The following ELFN2 variants were observed in gnomAD, a reference collection of about 807,000 sequenced individuals.
ELFN2 encodes the protein protein phosphatase 1 regulatory subunit 29.
A neutral mutation model predicts 45.5 loss-of-function variants in ELFN2; 17 were observed. That is an observed-to-expected ratio of 0.37 (90% CI 0.26 to 0.56). The LOEUF is 0.56. ELFN2 is among the 20% of genes least tolerant of loss of function. The pLI is 0.77. For missense variants in ELFN2, 922 were observed against 1,183.2 expected (o/e 0.78, Z 3.24); for synonymous variants, 550 against 551.5 (o/e 1.00, Z 0.04).
downstream of ELFN2, among the ~76,000 whole-genome samples, chr22:37,366,026 T>C (rs1011933347): frequency 2.0e-5 from 3 of 152,228 alleles, no homozygotes; most frequent in Admixed American, 2.0e-4. Flanking sequence ...GGCTCACATG[T>C]TAAGATGCAA....
Position 37,373,796 on chromosome 22 carries a change from G to T in ELFN2, c.1739C>A (p.Ser580Tyr). 6.2e-7 allele frequency: 1 copy of T among 1,611,200 alleles called. No individual in the cohort carries two copies. The highest frequency in any genetic ancestry group is 8.5e-7 in the Non-Finnish European group (1 of 1,179,240). The stretch of plus-strand genomic sequence containing the variant: ...GGAGGCGGCAGCAGCTGCAGGGAGG[G>T]ACTGGCACTCGAAGGCCAGCTCGGG... Reference protein sequence around the residue: ...GDPELAFECQSLPAAAAASSA... With the variant: ...GDPELAFECQYLPAAAAASSA... Residue 580 changes from serine to tyrosine, a missense_variant, in exon 3 of 3, where the codon TCC becomes TAC. Ser to Tyr is a moderately radical substitution (Grantham distance 144, BLOSUM62 -2). This residue lies in a region of ELFN2 where 564 missense variants were observed against 642.8 expected (regional missense o/e 0.88). Transcript: ENST00000402918.
chr22:37,399,825 C>T (rs1264310107), intron 2 of ELFN2, among the ~76,000 whole-genome samples: 2 of 152,220 alleles, frequency 1.3e-5, no homozygotes, highest in African/African-American at 4.8e-5. Flanking sequence ...CACTCACTTG[C>T]TCCAGCCACC....
downstream of ELFN2, among the ~76,000 whole-genome samples, chr22:37,366,080 C>T (rs1028805080): frequency 3.3e-5 from 5 of 152,140 alleles, no homozygotes; most frequent in Non-Finnish European, 5.9e-5. Flanking sequence ...GCTCGGTTTT[C>T]AAATAATTGA....
intron 1 of ELFN2, among the ~76,000 whole-genome samples, chr22:37,420,929 C>CG (rs1165085132): frequency 6.6e-6 from 1 of 152,110 alleles, no homozygotes; most frequent in Non-Finnish European, 1.5e-5. Flanking sequence ...TCAGAGACCC[C>CG]GGGGAACATG....
At chr22:37,416,677 G>A (rs1932762731) in intron 2 of ELFN2, among the ~76,000 whole-genome samples, 1 of 151,966 alleles carries the variant, frequency 6.6e-6, no homozygotes, top group African/African-American at 2.4e-5. Context: ...CAGGATAAGT[G>A]CAGACCCGCC....
At chr22:37,403,597 CG>C (rs1569140795) in intron 2 of ELFN2, among the ~76,000 whole-genome samples, 1 of 152,038 alleles carries the variant, frequency 6.6e-6, no homozygotes, top group African/African-American at 2.4e-5. Context: ...GCTGCGGCCT[CG>C]GGGTCTAGCG....
chr22:37,341,990 C>A (rs1220764683), intron 2 of ELFN2, among the ~76,000 whole-genome samples: 1 of 151,678 alleles, frequency 6.6e-6, no homozygotes, highest in Non-Finnish European at 1.5e-5. Flanking sequence ...CTTGCACTGC[C>A]CTGTAGGAGC....
intron 2 of ELFN2, among the ~76,000 whole-genome samples, chr22:37,410,712 T>C (rs967628351): frequency 1.3e-5 from 2 of 152,100 alleles, no homozygotes; most frequent in Admixed American, 6.5e-5. Flanking sequence ...ACAGCCCTGA[T>C]CCCATTCTAC....
At chr22:37,380,548 G>A (rs574576913) in intron 2 of ELFN2, among the ~76,000 whole-genome samples, 45 of 152,322 alleles carry the variant, frequency 3.0e-4, no homozygotes, top group Non-Finnish European at 5.4e-4. Context: ...TGGCCTCCCA[G>A]GAGCAGGGAC....
chr22:37,391,842 A>T lies in ELFN2; in HGVS notation c.-462-15846T>A, dbSNP rs184997192. ...AATATTGGAAAGGGCCTTCCCAGGC[A>T]GTGCGTGGGTCCCACATCCTCTGAG... On this transcript the variant is annotated intron_variant, in intron 2 of 2. Transcript: ENST00000402918. Among the ~76,000 whole-genome samples the T allele has an allele frequency of 1.6e-4, 25 of 152,298 alleles. 1 individual carries two copies. The East Asian group carries it at 4.3e-3, about 26-fold the overall frequency.
In ELFN2 at chr22:37,427,372, TGA is replaced by T. The variant is rs1932861654; in HGVS notation, c.-690_-689del. 1 of 152,620 alleles carries T rather than the reference TGA, an allele frequency of 6.6e-6. No individual in the cohort carries two copies. Among genetic ancestry groups the T allele is most frequent in the Non-Finnish European group, 1.5e-5 (1 of 68,824 alleles). The allele number at this position is 152,620 out of a possible 1,614,324, so 9.5% of individuals were successfully genotyped here. On this transcript the variant is annotated 5_prime_UTR_variant, in exon 1 of 3. Coordinates refer to ENST00000402918, the MANE Select transcript of ELFN2 (RefSeq NM_052906.5). ...GCCGCGGGGCCTGCGCGTGTGAGTG[TGA>T]GTGTGAATGTGAGTGTGAGCGCGGG...
At chr22:37,403,636 A>G (rs1014879450) in intron 2 of ELFN2, among the ~76,000 whole-genome samples, 3 of 152,142 alleles carry the variant, frequency 2.0e-5, no homozygotes, top group Admixed American at 6.5e-5. Context: ...CCAAATTCAC[A>G]TAGCAGGCCC....
chr22:37,402,484 C>T (rs904030265), intron 2 of ELFN2, among the ~76,000 whole-genome samples: 2 of 152,194 alleles, frequency 1.3e-5, no homozygotes, highest in African/African-American at 4.8e-5. Context: ...CTAGTTCTTG[C>T]CTCTCAAAAG....
chr22:37,411,729 C>T (rs529209839), intron 2 of ELFN2, among the ~76,000 whole-genome samples: 1 of 152,188 alleles, frequency 6.6e-6, no homozygotes, highest in Non-Finnish European at 1.5e-5. Context: ...TAGCTTCTCA[C>T]GCAGCCCCTG....
intron 2 of ELFN2, among the ~76,000 whole-genome samples, chr22:37,406,437 C>T (rs1013099486): frequency 6.6e-6 from 1 of 152,354 alleles, no homozygotes; most frequent in East Asian, 1.9e-4. Context: ...GTGACCCTCC[C>T]TGGCGCTCCC....
intron 2 of ELFN2, among the ~76,000 whole-genome samples, chr22:37,390,368 G>A (rs1463836956): frequency 1.3e-5 from 2 of 152,224 alleles, no homozygotes; most frequent in Admixed American, 1.3e-4. Context: ...TGTACACACG[G>A]CCTCCCTGCC....
At position 37,401,837 on chromosome 22, in the gene ELFN2, G is replaced by A. The variant is rs73412267; in HGVS notation, c.-463+15932C>T. ...CTTCCCCAGCTCCACAACACCCTTCGTTTGTTTAATTTTGCTTCTCCTCTC... is the reference window on the plus strand; with the variant it reads ...CTTCCCCAGCTCCACAACACCCTTCATTTGTTTAATTTTGCTTCTCCTCTC... On this transcript the variant is annotated intron_variant, in intron 2 of 2. Transcript: ENST00000402918. Among the ~76,000 whole-genome samples the A allele has an allele frequency of 6.5e-3, 989 of 152,284 alleles. 9 individuals are homozygous for A. The highest frequency in any genetic ancestry group is 0.022 in the African/African-American group (904 of 41,538).
intron 1 of ELFN2, among the ~76,000 whole-genome samples, chr22:37,344,452 G>A (rs1930647687): frequency 6.6e-6 from 1 of 151,934 alleles, no homozygotes; most frequent in Non-Finnish European, 1.5e-5. Context: ...CAGGGCACTG[G>A]GAGTGGACAG....
intron 1 of ELFN2, among the ~76,000 whole-genome samples, chr22:37,426,344 A>G (rs116284283): frequency 2.9e-5 from 4 of 138,612 alleles, no homozygotes; most frequent in Admixed American, 1.4e-4. Flanking sequence ...GTGCATGCAC[A>G]CGCGCGCGCG....
Sources: gnomAD v4.1 joint callset for allele counts (sites outside exome capture counted in the v4.1 genomes callset) on GRCh38, gnomAD v4.1.1 for gene constraint, gnomAD v4.1.1 regional missense constraint, MANE v1.5 for transcripts, NCBI Gene and HGNC (gene_info 2026-07-23, HGNC 2026-07-21) for gene names.